EML6: variants seen among roughly 807,000 people sequenced by gnomAD.
The protein encoded by EML6 is echinoderm microtubule-associated protein-like 6.
A neutral mutation model predicts 240.1 loss-of-function variants in EML6; 154 were observed. That is an observed-to-expected ratio of 0.64 (90% CI 0.56 to 0.73). The LOEUF (loss-of-function observed/expected upper bound fraction) is 0.73, where lower values mean the gene tolerates loss of function less well. EML6 is among the 30% of genes least tolerant of loss of function. The pLI is 0.00. For missense variants in EML6, 2,964 were observed against 2,474.6 expected, an observed-to-expected ratio of 1.20 and a Z score of -4.20; for synonymous variants, 1,148 against 899.0, an observed-to-expected ratio of 1.28 and a Z score of -4.95.
At chr2:54,848,985 G>C (rs185355295) in intron 9 of EML6, among the ~76,000 whole-genome samples, 47 of 152,220 alleles carry the variant, frequency 3.1e-4, no homozygotes, top group Non-Finnish European at 4.4e-4. Flanking sequence ...GTATAAAAAA[G>C]ATGATTTATT....
intron 25 of EML6, among the ~76,000 whole-genome samples, chr2:54,913,052 T>A (rs1432950485): frequency 6.6e-6 from 1 of 151,504 alleles, no homozygotes; most frequent in Non-Finnish European, 1.5e-5. Context: ...CCCTTTACTC[T>A]TCAGCCTTGC....
intron 7 of EML6, among the ~76,000 whole-genome samples, chr2:54,840,170 A>G (rs1448823947): frequency 1.3e-5 from 2 of 152,224 alleles, no homozygotes; most frequent in Non-Finnish European, 1.5e-5. Flanking sequence ...CCCTTGGGAC[A>G]AATTCAAGTC....
At chr2:54,929,989 G>A (rs1183460864) in intron 28 of EML6, among the ~76,000 whole-genome samples, 5 of 151,996 alleles carry the variant, frequency 3.3e-5, no homozygotes, top group Admixed American at 6.6e-5. Context: ...TAAGAATTAA[G>A]GGGAAAAAAG....
intron 28 of EML6, among the ~76,000 whole-genome samples, chr2:54,928,960 A>G (rs1674711043): frequency 6.6e-6 from 1 of 152,146 alleles, no homozygotes; most frequent in Non-Finnish European, 1.5e-5. Context: ...TACTTTGTGG[A>G]AGTTGGTTAT....
intron 26 of EML6, among the ~76,000 whole-genome samples, chr2:54,926,656 C>T (rs1175024753): frequency 6.6e-6 from 1 of 152,214 alleles, no homozygotes. Context: ...TAGCAACTGT[C>T]AATTCCCTTT....
At chr2:54,740,638 T>G (rs1005394384) in intron 2 of EML6, among the ~76,000 whole-genome samples, 2 of 152,232 alleles carry the variant, frequency 1.3e-5, no homozygotes, top group Admixed American at 6.5e-5. Context: ...CATGCTCTAG[T>G]GAGTTTTATG....
chr2:54,850,109 A>C lies in EML6; in HGVS notation c.1335A>C (p.Gly445=). 1 of 1,552,070 alleles carries C rather than the reference A, an allele frequency of 6.4e-7. No individual in the cohort carries two copies. Among genetic ancestry groups the C allele is most frequent in the Non-Finnish European group, 8.7e-7 (1 of 1,147,054 alleles). The change falls in exon 10 of 42, where the codon GGA becomes GGC. Residue 445 remains glycine (G), a synonymous_variant. Coordinates refer to ENST00000356458, the MANE Select transcript of EML6 (RefSeq NM_001039753.4). ...TTGCCCAGAGGTATAAGAAAATTGG[A>C]GAATGCAGCAAGTCCCTTAGTTTCA... ...YAVAQRYKKI[G]ECSKSLSFIT...
At chr2:54,959,916 A>G (rs994286394) in intron 34 of EML6, among the ~76,000 whole-genome samples, 2 of 152,242 alleles carry the variant, frequency 1.3e-5, no homozygotes, top group Non-Finnish European at 2.9e-5. Flanking sequence ...GCCTGAAGAC[A>G]GGAGAAACAT....
At chr2:54,872,896 T>C (rs1017179587) in intron 16 of EML6, among the ~76,000 whole-genome samples, 4 of 152,202 alleles carry the variant, frequency 2.6e-5, no homozygotes, top group Admixed American at 6.5e-5. Flanking sequence ...ATTGCTCTTA[T>C]GGCACCCATT....
At chr2:54,797,596 C>G (rs1248664622) in intron 2 of EML6, among the ~76,000 whole-genome samples, 2 of 149,724 alleles carry the variant, frequency 1.3e-5, no homozygotes, top group Admixed American at 6.7e-5. Context: ...AGCATTATGC[C>G]TAACAACATG....
chr2:54,864,721 C>A (rs1439920574), intron 13 of EML6, among the ~76,000 whole-genome samples: 1 of 152,160 alleles, frequency 6.6e-6, no homozygotes, highest in African/African-American at 2.4e-5. Flanking sequence ...AGTAACTTGC[C>A]CATGTCCACG....
chr2:54,740,750 A>G (rs1401804135), intron 2 of EML6, among the ~76,000 whole-genome samples: 1 of 150,766 alleles, frequency 6.6e-6, no homozygotes, highest in Non-Finnish European at 1.5e-5. Context: ...ATTGTTACAG[A>G]TGTTGCTTCT....
rs1676836729 is a variant in EML6, at chr2:54,968,277, A to T, written c.5747A>T (p.Lys1916Ile). 1.3e-6 allele frequency: 2 copies of T among 1,551,572 alleles called. No individual in the cohort carries two copies. Among genetic ancestry groups the T allele is most frequent in the Middle Eastern group, 1.7e-4 (1 of 6,010 alleles). The stretch of plus-strand genomic sequence containing the variant: ...CTCTTTGATTTTCCATGCACAGAAA[A>T]ATTTGTGAGTGTTCCTCAGAGTAAC... Reference protein sequence around the residue: ...VKLFDFPCTEKFAKHKRYFGH... With the variant: ...VKLFDFPCTEIFAKHKRYFGH... The change falls in exon 40 of 42, where the codon AAA becomes ATA. Residue 1916 changes from lysine (K) to isoleucine (I), a missense_variant. Physicochemically the swap from Lys to Ile is moderately radical, Grantham distance 102. Coordinates refer to ENST00000356458, the MANE Select transcript of EML6 (RefSeq NM_001039753.4).
chr2:54,843,113 C>G (rs1169909922), intron 7 of EML6, among the ~76,000 whole-genome samples: 1 of 152,162 alleles, frequency 6.6e-6, no homozygotes, highest in Non-Finnish European at 1.5e-5. Flanking sequence ...ACTGATTCTT[C>G]TCTGATAGCA....
At chr2:54,862,362 A>C (rs1390056121) in intron 12 of EML6, among the ~76,000 whole-genome samples, 2 of 150,902 alleles carry the variant, frequency 1.3e-5, no homozygotes, top group African/African-American at 4.9e-5. Context: ...AAAAAAAAAA[A>C]AAACTTTCTC....
chr2:54,841,034 G>T (rs1364691234), intron 7 of EML6, among the ~76,000 whole-genome samples: 1 of 152,208 alleles, frequency 6.6e-6, no homozygotes, highest in African/African-American at 2.4e-5. Context: ...GAGAAAACGG[G>T]AATATGTTGA....
intron 13 of EML6, among the ~76,000 whole-genome samples, chr2:54,865,264 G>A (rs1195742371): frequency 6.7e-6 from 1 of 149,738 alleles, no homozygotes; most frequent in African/African-American, 2.5e-5. Context: ...CAAAGTGGGA[G>A]CATCACTTGA....
intron 28 of EML6, among the ~76,000 whole-genome samples, chr2:54,930,473 C>A (rs767132435): frequency 4.6e-5 from 7 of 151,906 alleles, no homozygotes; most frequent in Admixed American, 1.3e-4. Flanking sequence ...TCAAGCTATA[C>A]CCCATCAGAT....
intron 28 of EML6, among the ~76,000 whole-genome samples, chr2:54,942,867 T>A (rs1204736243): frequency 3.9e-5 from 6 of 152,182 alleles, no homozygotes; most frequent in Admixed American, 3.9e-4. Flanking sequence ...ACCTTCATTT[T>A]TCCCCAAGTT....
Sources: allele counts gnomAD v4.1 joint callset (sites outside exome capture counted in the v4.1 genomes callset), GRCh38; gene constraint gnomAD v4.1.1; transcripts MANE v1.5; gene names NCBI Gene and HGNC (gene_info 2026-07-23, HGNC 2026-07-21).